Variants in RBL1 observed in about 807,000 individuals in gnomAD.
RBL1 encodes the protein retinoblastoma-like protein 1.
In RBL1, 82 loss-of-function variants were observed where a neutral mutation model predicts 123.0. The observed-to-expected ratio is 0.67, with a 90% CI of 0.56 to 0.80. The LOEUF (loss-of-function observed/expected upper bound fraction) is 0.80, where lower values mean the gene tolerates loss of function less well. Ranked by LOEUF, RBL1 falls within the 30% of genes least tolerant of loss-of-function variation. RBL1 has a pLI of 0.00. For missense variants in RBL1, 1,171 were observed against 1,299.6 expected, an observed-to-expected ratio of 0.90 and a Z score of 1.52; for synonymous variants, 405 against 441.3, an observed-to-expected ratio of 0.92 and a Z score of 1.03.
chr20:37,035,661 G>A (rs1035583486), intron 14 of RBL1, among the ~76,000 whole-genome samples, 153 bp from the exon 15 acceptor site: 3 of 152,186 alleles, frequency 2.0e-5, no homozygotes, highest in Admixed American at 6.5e-5. Context: ...GTAGTCTACT[G>A]GGAGAAAGAG....
intron 21 of RBL1, among the ~76,000 whole-genome samples, chr20:37,002,134 G>A (rs2063994679): frequency 6.6e-6 from 1 of 151,870 alleles, no homozygotes; most frequent in Non-Finnish European, 1.5e-5. Context: ...CTGGGCTCAA[G>A]CTATTCTCCT....
intron 7 of RBL1, among the ~76,000 whole-genome samples, chr20:37,062,950 C>T (rs928984850): frequency 1.3e-5 from 2 of 152,104 alleles, no homozygotes; most frequent in African/African-American, 4.8e-5. Context: ...CCACTGCACT[C>T]CAGCCTGGGC....
At chr20:37,003,953 G>A (rs768817356) in intron 20 of RBL1, 87 bp from the exon 21 acceptor site, 22 of 1,207,414 alleles carry the variant, frequency 1.8e-5, no homozygotes, top group Non-Finnish European at 2.5e-5. Context: ...GTATCTTCTA[G>A]TTAGAAAACA....
chr20:37,063,828 G>GT (rs199725710), intron 7 of RBL1, among the ~76,000 whole-genome samples: 19,856 of 136,192 alleles, frequency 0.15, 2,008 homozygotes, highest in East Asian at 0.49. Flanking sequence ...TTTTTTTCTT[G>GT]TTTTTTTTTT....
chr20:37,012,321 G>A lies in RBL1; in HGVS notation c.2723-4762C>T, dbSNP rs1219380270. Among the ~76,000 whole-genome samples the A allele has an allele frequency of 1.1e-3, 160 of 151,930 alleles. 3 individuals carry two copies. Among genetic ancestry groups the A allele is most frequent in the Middle Eastern group, 6.8e-3 (2 of 294 alleles). ...AAGTGAGGAGCGTCTCTGCCTGGCC[G>A]CCCATCGTCTGGGATGTGAGGAGCC... On this transcript the variant is annotated intron_variant, in intron 19 of 21. Coordinates refer to ENST00000373664, the MANE Select transcript of RBL1 (RefSeq NM_002895.5).
intron 2 of RBL1, among the ~76,000 whole-genome samples, chr20:37,081,106 A>C (rs542538360): frequency 3.3e-5 from 5 of 152,204 alleles, no homozygotes; most frequent in Non-Finnish European, 5.9e-5. Context: ...TGATTGCTCA[A>C]GGAATTGCTT....
At chr20:37,037,912 C>T (rs1033565790) in intron 14 of RBL1, among the ~76,000 whole-genome samples, 1 of 151,660 alleles carries the variant, frequency 6.6e-6, no homozygotes, top group African/African-American at 2.4e-5. Context: ...GTCTTGAACT[C>T]CTGACCTCGT....
intron 14 of RBL1, 71 bp downstream of exon 14, chr20:37,040,082 T>C (rs930602445): frequency 1.3e-6 from 2 of 1,589,348 alleles, no homozygotes; most frequent in African/African-American, 2.7e-5. Flanking sequence ...TCACAAGACT[T>C]AAAATTTTCC....
At chr20:37,051,674 C>G (rs1313233572) in intron 11 of RBL1, among the ~76,000 whole-genome samples, 1 of 150,124 alleles carries the variant, frequency 6.7e-6, no homozygotes, top group Non-Finnish European at 1.5e-5. Context: ...AAAAAATGTT[C>G]AAGTAACCAA....
chr20:37,058,056 C>A (rs1032370302), intron 9 of RBL1, among the ~76,000 whole-genome samples: 1 of 144,200 alleles, frequency 6.9e-6, no homozygotes, highest in Admixed American at 7.2e-5. Context: ...ACCTGGGAGG[C>A]GAAGGCTGCA....
chr20:37,094,118 TG>T (rs2065691451), intron 1 of RBL1, among the ~76,000 whole-genome samples: 1 of 152,124 alleles, frequency 6.6e-6, no homozygotes, highest in South Asian at 2.1e-4. Context: ...ACCACAAAAC[TG>T]GGAACAAACT....
At chr20:37,065,617 CTATT>C (rs2065166237) in intron 6 of RBL1, 144 bp from the exon 7 acceptor site, 11 of 540,320 alleles carry the variant, frequency 2.0e-5, no homozygotes, top group Non-Finnish European at 3.1e-5. Flanking sequence ...CTAGGATAAA[CTATT>C]TAGCATGCAA....
rs545074326 is a variant in RBL1 at position 37,015,080 on chromosome 20, A to AG, written c.2722+3198_2722+3199insC. Among the ~76,000 whole-genome samples the AG allele has an allele frequency of 5.2e-3, 780 of 150,616 alleles. 6 individuals are homozygous for AG. Among genetic ancestry groups the AG allele is most frequent in the African/African-American group, 0.017 (698 of 40,684 alleles). On this transcript the variant is annotated intron_variant, in intron 19 of 21. Coordinates refer to ENST00000373664, the MANE Select transcript of RBL1 (RefSeq NM_002895.5). ...CTGTATCTCAAAAAAAAAAAAAAAA[A>AG]AAAGAAAGAAAGAAAGAAATTGTGT...
chr20:37,051,797 C>A lies in RBL1; in HGVS notation c.1467+3756G>T, dbSNP rs1223980653. On this transcript the variant is annotated intron_variant, in intron 11 of 21. Coordinates refer to ENST00000373664, the MANE Select transcript of RBL1 (RefSeq NM_002895.5). ...AACATAACAATTACTAATTTTAAGT[C>A]ATCTAAATTTACTAATTAAATGACA... Among the ~76,000 whole-genome samples, 4 of 150,460 alleles carry A rather than the reference C, an allele frequency of 2.7e-5. No homozygotes were observed. The East Asian group carries it at 5.9e-4, about 22-fold the overall frequency.
chr20:37,094,665 G>C (rs375025683), intron 1 of RBL1, among the ~76,000 whole-genome samples: 1 of 152,264 alleles, frequency 6.6e-6, no homozygotes, highest in African/African-American at 2.4e-5. Flanking sequence ...TTTAGATAGA[G>C]TCTTGCTGTC....
chr20:37,043,952 T>C, intron 13 of RBL1, 134 bp downstream of exon 13: 1 of 598,308 alleles, frequency 1.7e-6, no homozygotes, highest in Non-Finnish European at 2.6e-6. Context: ...TGCACATATC[T>C]ATTTATATAC....
intron 20 of RBL1, among the ~76,000 whole-genome samples, chr20:37,004,716 A>C (rs2064042272): frequency 1.8e-4 from 3 of 16,340 alleles, no homozygotes; most frequent in East Asian, 8.7e-4. Context: ...CTCTGCCTCA[A>C]AAAAAAAAAA....
intron 21 of RBL1, among the ~76,000 whole-genome samples, chr20:37,002,858 G>A (rs1398041185): frequency 6.6e-6 from 1 of 151,604 alleles, no homozygotes; most frequent in Non-Finnish European, 1.5e-5. Context: ...GAGTAGCTGA[G>A]ATTATAGGTG....
chr20:37,052,504 G>T (rs967647137), intron 11 of RBL1, among the ~76,000 whole-genome samples: 1 of 151,242 alleles, frequency 6.6e-6, no homozygotes, highest in Non-Finnish European at 1.5e-5. Context: ...GCTAATTTTT[G>T]TATTTTCATA....
Sources: gnomAD v4.1 joint callset for allele counts (sites outside exome capture counted in the v4.1 genomes callset) on GRCh38, gnomAD v4.1.1 for gene constraint, MANE v1.5 for transcripts, NCBI Gene and HGNC (gene_info 2026-07-23, HGNC 2026-07-21) for gene names.